Variants in EPB41L3 observed in about 807,000 individuals in gnomAD.
EPB41L3 encodes the protein erythrocyte membrane protein band 4.1 like 3.
Under a neutral mutation model 127.1 loss-of-function variants are expected in EPB41L3, and 57 were observed. The observed-to-expected ratio is 0.45, with a 90% CI of 0.36 to 0.56. The LOEUF is 0.56. EPB41L3 is among the 20% of genes least tolerant of loss of function. The pLI, the probability that EPB41L3 is intolerant of heterozygous loss-of-function variation, is 0.00. For missense variants in EPB41L3, 1,273 were observed against 1,372.2 expected, an observed-to-expected ratio of 0.93 and a Z score of 1.14; for synonymous variants, 572 against 549.5, an observed-to-expected ratio of 1.04 and a Z score of -0.57.
At chr18:5,576,483 GT>G (rs1378099349) in intron 3 of EPB41L3, among the ~76,000 whole-genome samples, 5 of 152,058 alleles carry the variant, frequency 3.3e-5, no homozygotes. Flanking sequence ...AGATCAAAAG[GT>G]TTCAACAAAA....
At chr18:5,568,385 C>T (rs573446409) in intron 3 of EPB41L3, among the ~76,000 whole-genome samples, 1 of 149,202 alleles carries the variant, frequency 6.7e-6, no homozygotes, top group Non-Finnish European at 1.5e-5. Context: ...CAAGAGCTTC[C>T]CTTCTCTCTT....
chr18:5,593,358 G>A (rs1441925113), intron 3 of EPB41L3, among the ~76,000 whole-genome samples: 1 of 152,108 alleles, frequency 6.6e-6, no homozygotes, highest in African/African-American at 2.4e-5. Context: ...GCGTCCGAGG[G>A]AGACATCACA....
At chr18:5,422,876 C>A (rs2077652929) in intron 11 of EPB41L3, among the ~76,000 whole-genome samples, 1 of 152,210 alleles carries the variant, frequency 6.6e-6, no homozygotes, top group Non-Finnish European at 1.5e-5. Context: ...ATTTAACTTA[C>A]AACCCTGTGC....
intron 1 of EPB41L3, among the ~76,000 whole-genome samples, chr18:5,490,863 A>T (rs1451922812): frequency 1.3e-5 from 2 of 152,218 alleles, no homozygotes; most frequent in East Asian, 3.9e-4. Context: ...TAGTCAATTC[A>T]ACCCACCAAA....
chr18:5,414,166 T>TAG (rs1158130671), intron 13 of EPB41L3, among the ~76,000 whole-genome samples: 1 of 152,234 alleles, frequency 6.6e-6, no homozygotes, highest in Non-Finnish European at 1.5e-5. Context: ...ATTGTATTTG[T>TAG]AGACAATATT....
intron 5 of EPB41L3, among the ~76,000 whole-genome samples, chr18:5,442,459 C>A (rs960652851): frequency 6.6e-6 from 1 of 152,078 alleles, no homozygotes; most frequent in Non-Finnish European, 1.5e-5. Flanking sequence ...TGGGATATTA[C>A]CTAGTATTGA....
Position 5,586,726 on chromosome 18 carries a change from T to C in EPB41L3, c.-306+25614A>G, listed in dbSNP as rs369211058. Among the ~76,000 whole-genome samples, 4 of 152,112 alleles carry C rather than the reference T, an allele frequency of 2.6e-5. No homozygotes were observed. In the South Asian group the frequency reaches 8.3e-4, roughly 32 times the overall value. ...TTATATTGTGATTTTCTGTGTGTGGTATTATTTAAGATAAATAGGAGTTCA... is the reference window on the plus strand; with the variant it reads ...TTATATTGTGATTTTCTGTGTGTGGCATTATTTAAGATAAATAGGAGTTCA... On this transcript the variant is annotated intron_variant, in intron 3 of 21. Transcript: ENST00000545076.
intron 3 of EPB41L3, among the ~76,000 whole-genome samples, chr18:5,578,087 T>G (rs1161530863): frequency 6.6e-6 from 1 of 151,918 alleles, no homozygotes. Context: ...AGTCCACTGA[T>G]AGGAGGCTCC....
At chr18:5,568,614 T>C (rs2094238787) in intron 3 of EPB41L3, among the ~76,000 whole-genome samples, 1 of 152,134 alleles carries the variant, frequency 6.6e-6, no homozygotes, top group Non-Finnish European at 1.5e-5. Context: ...GTGATACTGA[T>C]TATTTGTCAA....
upstream of EPB41L3, among the ~76,000 whole-genome samples, chr18:5,544,864 C>T (rs867446036): frequency 2.2e-4 from 34 of 152,212 alleles, no homozygotes; most frequent in Middle Eastern, 0.01. Context: ...GATTATTACA[C>T]ATTGCATGCC....
chr18:5,510,238 A>G (rs577021380), intron 1 of EPB41L3, among the ~76,000 whole-genome samples: 9 of 152,314 alleles, frequency 5.9e-5, no homozygotes, highest in African/African-American at 2.2e-4. Context: ...TTGACTCACT[A>G]CACTTAGTAA....
chr18:5,620,566 T>A (rs1568659571), intron 1 of EPB41L3, among the ~76,000 whole-genome samples: 1 of 152,206 alleles, frequency 6.6e-6, no homozygotes, highest in Non-Finnish European at 1.5e-5. Context: ...CTAAGAATAG[T>A]ACAAATTACT....
At chr18:5,565,233 C>A (rs1169000567) in intron 3 of EPB41L3, among the ~76,000 whole-genome samples, 18 of 145,284 alleles carry the variant, frequency 1.2e-4, no homozygotes, top group Non-Finnish European at 2.0e-4. Context: ...CCCATCTCTA[C>A]TAAAAAAAAA....
rs75126827 is a variant in EPB41L3, at chr18:5,589,060, C to T, written c.-306+23280G>A. ...AGAGGGATGTAGGCACACTATGTTC[C>T]CACAAATAATTAAATGAGTAGGCAC... is the stretch of plus-strand genomic sequence containing the variant. On this transcript the variant is annotated intron_variant, in intron 3 of 21. Coordinates refer to the EPB41L3 transcript ENST00000545076. Among the ~76,000 whole-genome samples, 1,411 of 152,082 alleles carry T rather than the reference C, an allele frequency of 9.3e-3. 18 individuals carry two copies. Among genetic ancestry groups the T allele is most frequent in the African/African-American group, 0.027 (1,113 of 41,492 alleles).
At chr18:5,482,505 G>A (rs2088779244) in intron 2 of EPB41L3, among the ~76,000 whole-genome samples, 1 of 152,154 alleles carries the variant, frequency 6.6e-6, no homozygotes, top group African/African-American at 2.4e-5. Context: ...CAAGTACAGG[G>A]AAGTCTGAGA....
intron 3 of EPB41L3, among the ~76,000 whole-genome samples, chr18:5,584,461 G>A (rs1208313571): frequency 7.2e-5 from 11 of 152,098 alleles, no homozygotes; most frequent in Admixed American, 1.3e-4. Flanking sequence ...TAAATAGATG[G>A]GTCATTTCAT....
chr18:5,517,603 C>A (rs780594843), intron 1 of EPB41L3, among the ~76,000 whole-genome samples: 1 of 151,896 alleles, frequency 6.6e-6, no homozygotes, highest in African/African-American at 2.4e-5. Flanking sequence ...ACCTGGCTAA[C>A]CTTTTTGTAT....
chr18:5,394,520 CA>C, intron 22 of EPB41L3, 156 bp downstream of exon 22: 5 of 591,502 alleles, frequency 8.5e-6, no homozygotes, highest in Non-Finnish European at 1.2e-5. Context: ...AAATGTGAGA[CA>C]AACCCATAAA....
chr18:5,606,506 T>C (rs2094654511), intron 3 of EPB41L3, among the ~76,000 whole-genome samples: 1 of 152,174 alleles, frequency 6.6e-6, no homozygotes, highest in South Asian at 2.1e-4. Flanking sequence ...ATTATTGAAA[T>C]AAAGGAAATG....
Sources: gnomAD v4.1 joint callset for allele counts (sites outside exome capture counted in the v4.1 genomes callset) on GRCh38, gnomAD v4.1.1 for gene constraint, MANE v1.5 for transcripts, NCBI Gene and HGNC (gene_info 2026-07-23, HGNC 2026-07-21) for gene names.